The following CCSER1 variants were observed in gnomAD, a reference collection of about 807,000 sequenced individuals.
CCSER1 encodes coiled-coil serine rich protein 1.
CCSER1 carries 41 observed loss-of-function variants against 82.0 expected under a neutral mutation model. The observed-to-expected ratio is 0.50, with a 90% CI of 0.39 to 0.65. The LOEUF is 0.65. Among genes scored for constraint, CCSER1 ranks in the 30% least tolerant of loss-of-function variants. The probability of loss-of-function intolerance (pLI) is 0.00; values close to 1 mark genes in which losing one functional copy is unlikely to be tolerated. For synonymous variants in CCSER1, 414 were observed against 383.9 expected (o/e 1.08, Z -0.92); for missense variants, 1,119 against 1,064.2 (o/e 1.05, Z -0.72).
chr4:90,866,919 C>T (rs1252730485), intron 8 of CCSER1, among the ~76,000 whole-genome samples: 3 of 151,984 alleles, frequency 2.0e-5, no homozygotes, highest in Non-Finnish European at 4.4e-5. Context: ...CTAATGCCAC[C>T]ACTGATTTGA....
At chr4:91,575,546 G>T (rs113759783) in intron 10 of CCSER1, among the ~76,000 whole-genome samples, 1 of 151,932 alleles carries the variant, frequency 6.6e-6, no homozygotes, top group Non-Finnish European at 1.5e-5. Flanking sequence ...TGGTTAAAAT[G>T]GGTAAAGGAT....
At chr4:90,811,656 T>C in intron 7 of CCSER1, among the ~76,000 whole-genome samples, 1 of 152,144 alleles carries the variant, frequency 6.6e-6, no homozygotes, top group African/African-American at 2.4e-5. Flanking sequence ...GCGTATATGA[T>C]GGCTTCCTGA....
chr4:90,934,176 T>TA (rs1730633620), intron 9 of CCSER1, among the ~76,000 whole-genome samples: 1 of 152,010 alleles, frequency 6.6e-6, no homozygotes, highest in South Asian at 2.1e-4. Flanking sequence ...CATTATCAAA[T>TA]GAGTTACAGT....
At chr4:90,937,590 C>T (rs1382139467) in intron 9 of CCSER1, among the ~76,000 whole-genome samples, 1 of 151,930 alleles carries the variant, frequency 6.6e-6, no homozygotes, top group African/African-American at 2.4e-5. Context: ...TAAAATTGTA[C>T]CCTCCCCTAT....
intron 3 of CCSER1, among the ~76,000 whole-genome samples, chr4:90,396,827 C>A (rs1020975004): frequency 2.6e-5 from 4 of 151,404 alleles, no homozygotes; most frequent in African/African-American, 9.7e-5. Flanking sequence ...CTTTCTTTTC[C>A]CTTTCTCTGA....
chr4:90,726,040 C>A (rs1301942814), intron 7 of CCSER1, among the ~76,000 whole-genome samples: 3 of 151,892 alleles, frequency 2.0e-5, no homozygotes, highest in African/African-American at 7.2e-5. Context: ...CACAATCCAC[C>A]CTAACATTAG....
At chr4:90,923,967 C>A (rs72665428) in intron 9 of CCSER1, among the ~76,000 whole-genome samples, 2 of 152,202 alleles carry the variant, frequency 1.3e-5, no homozygotes, top group Non-Finnish European at 2.9e-5. Context: ...ACTTGTTGAA[C>A]TGTCAAAATA....
intron 8 of CCSER1, among the ~76,000 whole-genome samples, chr4:90,832,612 A>G (rs1330830941): frequency 1.3e-5 from 2 of 152,194 alleles, no homozygotes; most frequent in Non-Finnish European, 2.9e-5. Flanking sequence ...GTCATTAAGC[A>G]AATGATCATT....
intron 10 of CCSER1, among the ~76,000 whole-genome samples, chr4:91,152,106 T>A (rs768868439): frequency 6.6e-6 from 1 of 152,162 alleles, no homozygotes; most frequent in East Asian, 1.9e-4. Context: ...TGTGTAGGAG[T>A]CTAAGTCTCT....
At chr4:90,362,207 G>A (rs1177597191) in intron 3 of CCSER1, among the ~76,000 whole-genome samples, 2 of 152,152 alleles carry the variant, frequency 1.3e-5, no homozygotes, top group Non-Finnish European at 1.5e-5. Flanking sequence ...ATTATTTCAT[G>A]AAATTTAAAT....
At chr4:90,695,800 A>AT (rs756642664) in intron 6 of CCSER1, among the ~76,000 whole-genome samples, 90 of 152,074 alleles carry the variant, frequency 5.9e-4, no homozygotes, top group Non-Finnish European at 7.4e-4. Flanking sequence ...TTTTCAAGGA[A>AT]TTTTTTTACA....
At chr4:91,045,257 A>C (rs1023988342) in intron 9 of CCSER1, among the ~76,000 whole-genome samples, 2 of 152,208 alleles carry the variant, frequency 1.3e-5, no homozygotes, top group Admixed American at 1.3e-4. Context: ...AAATTTTAAA[A>C]ATTTAGTTGT....
At chr4:90,623,712 C>T (rs1315634468) in intron 5 of CCSER1, among the ~76,000 whole-genome samples, 1 of 152,130 alleles carries the variant, frequency 6.6e-6, no homozygotes, top group Non-Finnish European at 1.5e-5. Flanking sequence ...TACGATGAAA[C>T]ATTCAGTTAC....
At chr4:91,482,120 G>A (rs1395559563) in intron 10 of CCSER1, among the ~76,000 whole-genome samples, 1 of 151,826 alleles carries the variant, frequency 6.6e-6, no homozygotes, top group African/African-American at 2.4e-5. Context: ...GTCAGGAAAC[G>A]GGCCGGGCGC....
intron 10 of CCSER1, among the ~76,000 whole-genome samples, chr4:91,471,969 C>CAAAAAAA (rs11313305): frequency 5.7e-5 from 5 of 88,114 alleles, no homozygotes; most frequent in African/African-American, 8.3e-5. Flanking sequence ...CACTCCATCT[C>CAAAAAAA]AAAAAAAAAA....
At chr4:90,675,369 A>C (rs1425317131) in intron 6 of CCSER1, among the ~76,000 whole-genome samples, 1 of 151,982 alleles carries the variant, frequency 6.6e-6, no homozygotes, top group Non-Finnish European at 1.5e-5. Flanking sequence ...GCAAGAAAAA[A>C]ATATTCTATA....
At chr4:90,886,727 C>CCTGA (rs1437435479) in intron 8 of CCSER1, among the ~76,000 whole-genome samples, 1 of 152,068 alleles carries the variant, frequency 6.6e-6, no homozygotes, top group Non-Finnish European at 1.5e-5. Context: ...TGTAAACTTG[C>CCTGA]CTGAGGTTGC....
rs71596519 is a variant in CCSER1, at chr4:90,200,061, G to GACACACACACAC, written c.-42+72251_-42+72262dup. Among the ~76,000 whole-genome samples the GACACACACACAC allele has an allele frequency of 8.5e-3, 1,232 of 144,926 alleles. 18 individuals are homozygous for GACACACACACAC. Among genetic ancestry groups the GACACACACACAC allele is most frequent in the East Asian group, 0.029 (136 of 4,718 alleles). On this transcript the variant is annotated intron_variant, in intron 1 of 10. Coordinates refer to ENST00000509176, the MANE Select transcript of CCSER1 (RefSeq NM_001145065.2). ...CCACTCCCTGACATGCGTGCACGCA[G>GACACACACACAC]ACACACACACACACACACACACACA...
At chr4:90,607,550 C>T (rs934401658) in intron 5 of CCSER1, among the ~76,000 whole-genome samples, 1 of 152,092 alleles carries the variant, frequency 6.6e-6, no homozygotes, top group Non-Finnish European at 1.5e-5. Flanking sequence ...GAAGCATCAC[C>T]CTGATTTCCG....
Sources: gnomAD v4.1 joint callset for allele counts (sites outside exome capture counted in the v4.1 genomes callset) on GRCh38, gnomAD v4.1.1 for gene constraint, MANE v1.5 for transcripts, NCBI Gene and HGNC (gene_info 2026-07-23, HGNC 2026-07-21) for gene names.